The following KYAT1 variants were observed in gnomAD, a reference collection of about 807,000 sequenced individuals.
The protein encoded by KYAT1 is kynurenine--oxoglutarate transaminase 1.
KYAT1 carries 47 observed loss-of-function variants against 52.4 expected under a neutral mutation model. The observed-to-expected ratio is 0.90, with a 90% CI of 0.71 to 1.14. The LOEUF (loss-of-function observed/expected upper bound fraction) is 1.14, where lower values mean the gene tolerates loss of function less well. Ranked by LOEUF, KYAT1 falls within the 50% of genes most tolerant of loss-of-function variation. KYAT1 has a pLI of 0.00. For synonymous variants in KYAT1, 212 were observed against 209.6 expected, an observed-to-expected ratio of 1.01 and a Z score of -0.10; for missense variants, 480 against 557.9, an observed-to-expected ratio of 0.86 and a Z score of 1.41.
intron 7 of KYAT1, 47 bp from the exon 8 acceptor site, chr9:128,836,120 A>G (rs767935043): frequency 1.5e-5 from 23 of 1,577,936 alleles, no homozygotes; most frequent in Non-Finnish European, 1.8e-5. Flanking sequence ...GGTGAGGGGG[A>G]CGGGGGAGGA....
At chr9:128,878,069 GA>G (rs534957740) in intron 1 of KYAT1, among the ~76,000 whole-genome samples, 10 of 152,176 alleles carry the variant, frequency 6.6e-5, no homozygotes, top group Non-Finnish European at 1.3e-4. Flanking sequence ...CAATGAAGGT[GA>G]CAAGAATCCA....
intron 2 of KYAT1, among the ~76,000 whole-genome samples, chr9:128,843,102 G>C (rs1045536310): frequency 2.6e-5 from 4 of 152,150 alleles, no homozygotes; most frequent in African/African-American, 9.7e-5. Context: ...GGGAACCGGA[G>C]GTTGAAGTGA....
Position 128,835,533 on chromosome 9 carries a change from C to T in KYAT1, c.990G>A (p.Lys330=), listed in dbSNP as rs1457750035. The part of the protein sequence containing the change: ...MIRSLQSVGL[K]PIIPQGSYFL... ...AGTAGCTGCCCTGAGGGATGATGGG[C>T]TTCAGGCCCACTGACTGTAGGCTAC... Residue 330 remains lysine (K), a synonymous_variant, in exon 10 of 13, where the codon AAG becomes AAA. Coordinates refer to ENST00000302586, the MANE Select transcript of KYAT1 (RefSeq NM_004059.5). 4 of 1,613,670 alleles carry T rather than the reference C, an allele frequency of 2.5e-6. No homozygotes were observed. The East Asian group carries it at 8.9e-5, about 36-fold the overall frequency.
intron 1 of KYAT1, among the ~76,000 whole-genome samples, chr9:128,862,969 C>T (rs192097597): frequency 1.0e-3 from 157 of 152,178 alleles, no homozygotes; most frequent in African/African-American, 3.6e-3. Context: ...GGATTACAGA[C>T]GCGCGCTACC....
rs760931969 is a variant in KYAT1, at chr9:128,833,719, T to TC, written c.1209+20dup. The TC allele has an allele frequency of 2.5e-6, 4 of 1,613,704 alleles. No homozygotes were observed. In the African/African-American group the frequency reaches 4.0e-5, roughly 16 times the overall value. On this transcript the variant is annotated intron_variant, in intron 12 of 12. Transcript: ENST00000302586. ...TTGGGAAGCTCTGTGAGGTCTTTCC[T>TC]CCCCCAGCCCTGCCCTTTACCTTCA...
At chr9:128,843,707 C>T (rs1832618414) in intron 2 of KYAT1, among the ~76,000 whole-genome samples, 1 of 152,154 alleles carries the variant, frequency 6.6e-6, no homozygotes. Flanking sequence ...CATCATCAAC[C>T]CTGTGGAGCA....
chr9:128,842,578 G>T (rs1832381468), intron 3 of KYAT1, 76 bp downstream of exon 3: 3 of 1,443,870 alleles, frequency 2.1e-6, no homozygotes, highest in African/African-American at 2.8e-5. Context: ...AAGCCTGACA[G>T]CTGTGTGGGC....
At chr9:128,834,445 C>A (rs1026583840) in intron 11 of KYAT1, among the ~76,000 whole-genome samples, 5 of 152,144 alleles carry the variant, frequency 3.3e-5, no homozygotes, top group African/African-American at 1.2e-4. Flanking sequence ...AATGGGCCAA[C>A]TCCTCACTGT....
intron 1 of KYAT1, among the ~76,000 whole-genome samples, chr9:128,881,648 C>G (rs550046265): frequency 1.1e-4 from 16 of 152,262 alleles, no homozygotes; most frequent in African/African-American, 3.9e-4. Flanking sequence ...ATCATCTCCA[C>G]CGGCGCGGTC....
intron 3 of KYAT1, among the ~76,000 whole-genome samples, chr9:128,840,394 G>C (rs1831933119): frequency 6.6e-6 from 1 of 152,168 alleles, no homozygotes; most frequent in Non-Finnish European, 1.5e-5. Flanking sequence ...AAGTAGTTGG[G>C]ATTACAGGCA....
chr9:128,861,202 A>T (rs1373241305), intron 1 of KYAT1, among the ~76,000 whole-genome samples: 1 of 152,140 alleles, frequency 6.6e-6, no homozygotes, highest in Non-Finnish European at 1.5e-5. Context: ...CTGTGTCCCC[A>T]CCCAAATCTC....
At chr9:128,880,928 T>C (rs893549948) in intron 1 of KYAT1, among the ~76,000 whole-genome samples, 1 of 152,214 alleles carries the variant, frequency 6.6e-6, no homozygotes, top group African/African-American at 2.4e-5. Context: ...AGTAAATTTC[T>C]CGCCCTGGCC....
At position 128,836,043 on chromosome 9, in the gene KYAT1, A is replaced by T. The variant is rs1291792238; in HGVS notation, c.719T>A (p.Leu240Gln). The change falls in exon 8 of 13, where the codon CTG becomes CAG. Residue 240 changes from leucine (L) to glutamine (Q), a missense_variant. Coordinates refer to ENST00000302586, the MANE Select transcript of KYAT1 (RefSeq NM_004059.5). Reference protein sequence around the residue: ...ASLPGMWERTLTIGSAGKTFS... With the variant: ...ASLPGMWERTQTIGSAGKTFS... ...GGTCTTGCCGGCGCTGCCGATGGTC[A>T]GGGTCCGTTCCCACATGCCAGGGAG... 1.9e-6 allele frequency: 3 copies of T among 1,613,842 alleles called. No individual in the cohort carries two copies. Among genetic ancestry groups the T allele is most frequent in the Non-Finnish European group, 2.5e-6 (3 of 1,179,890 alleles).
chr9:128,857,110 C>T (rs555745625), intron 1 of KYAT1, among the ~76,000 whole-genome samples: 320 of 152,262 alleles, frequency 2.1e-3, no homozygotes, highest in African/African-American at 6.1e-3. Context: ...GATGTTTGGG[C>T]GGGGAGAAAC....
chr9:128,843,010 T>C (rs1218149398), intron 2 of KYAT1, among the ~76,000 whole-genome samples: 1 of 151,998 alleles, frequency 6.6e-6, no homozygotes, highest in Admixed American at 6.6e-5. Context: ...TCACTAAAAA[T>C]ACAAAAGTTA....
rs973097401 is a variant in KYAT1 at position 128,857,612 on chromosome 9, G to A, written c.-6-12201C>T. On this transcript the variant is annotated intron_variant, in intron 1 of 12. Transcript: ENST00000302586. Reference sequence around the variant, plus strand: ...AGCACTTTGGGAGGCCAGGGCAGGCGGATCATAAGGTCAGGAGATCAAGAC... The same window carrying A: ...AGCACTTTGGGAGGCCAGGGCAGGCAGATCATAAGGTCAGGAGATCAAGAC... Among the ~76,000 whole-genome samples the A allele has an allele frequency of 5.9e-5, 9 of 152,248 alleles. No individual in the cohort carries two copies. In the South Asian group the frequency reaches 1.0e-3, roughly 18 times the overall value.
chr9:128,835,799 G>A lies in KYAT1; in HGVS notation c.835C>T (p.His279Tyr), dbSNP rs1322975599. 6.8e-6 allele frequency: 11 copies of A among 1,613,346 alleles called. No individual in the cohort carries two copies. Among genetic ancestry groups the A allele is most frequent in the Admixed American group, 1.7e-5 (1 of 59,926 alleles). ...TTCACCTGGCTCTGCGTGGGGCAGTGGAAGACGGAGTTCTGGTGCACGGTC... is the reference window on the plus strand; with the variant it reads ...TTCACCTGGCTCTGCGTGGGGCAGTAGAAGACGGAGTTCTGGTGCACGGTC... ...LRTVHQNSVFHCPTQSQAAVA... is the reference protein window; with the variant it reads ...LRTVHQNSVFYCPTQSQAAVA... The change falls in exon 9 of 13, where the codon CAC (histidine) becomes TAC (tyrosine). Residue 279 changes from histidine (H) to tyrosine (Y), a missense_variant. Coordinates refer to ENST00000302586, the MANE Select transcript of KYAT1 (RefSeq NM_004059.5).
intron 2 of KYAT1, among the ~76,000 whole-genome samples, chr9:128,844,967 T>C (rs1832837542): frequency 1.3e-5 from 2 of 152,208 alleles, no homozygotes; most frequent in Non-Finnish European, 2.9e-5. Flanking sequence ...ATTTTACTTA[T>C]CTTAGTTTAT....
chr9:128,835,959 T>C, intron 8 of KYAT1, 38 bp downstream of exon 8: 2 of 1,603,402 alleles, frequency 1.2e-6, no homozygotes, highest in Non-Finnish European at 8.5e-7. Context: ...GCCAAGGATC[T>C]TGCAGGGGGT....
Sources: gnomAD v4.1 joint callset for allele counts (sites outside exome capture counted in the v4.1 genomes callset) on GRCh38, gnomAD v4.1.1 for gene constraint, MANE v1.5 for transcripts, NCBI Gene and HGNC (gene_info 2026-07-23, HGNC 2026-07-21) for gene names.